The following TMC2 variants were observed in gnomAD, a reference collection of about 807,000 sequenced individuals.
The protein encoded by TMC2 is transmembrane channel-like protein 2.
A neutral mutation model predicts 105.9 loss-of-function variants in TMC2; 102 were observed. The observed-to-expected ratio is 0.96, with a 90% confidence interval of 0.82 to 1.14. TMC2 has a LOEUF of 1.14. Ranked by LOEUF, TMC2 falls within the 50% of genes most tolerant of loss-of-function variation. The probability of loss-of-function intolerance (pLI) is 0.00; values close to 1 mark genes in which losing one functional copy is unlikely to be tolerated. For synonymous variants in TMC2, 402 were observed against 422.8 expected, an observed-to-expected ratio of 0.95 and a Z score of 0.60; for missense variants, 1,093 against 1,134.3, an observed-to-expected ratio of 0.96 and a Z score of 0.52.
intron 17 of TMC2, among the ~76,000 whole-genome samples, chr20:2,630,500 A>C (rs1385073117): frequency 2.0e-5 from 3 of 152,090 alleles, no homozygotes; most frequent in Non-Finnish European, 2.9e-5. Context: ...TTTTACTTTC[A>C]ATCTACTATT....
chr20:2,593,972 G>C (rs1164726428), intron 8 of TMC2, among the ~76,000 whole-genome samples: 1 of 152,134 alleles, frequency 6.6e-6, no homozygotes, highest in Non-Finnish European at 1.5e-5. Flanking sequence ...ATCACACACT[G>C]TCATTGCCTC....
At chr20:2,623,083 C>T (rs1408780447) in intron 16 of TMC2, among the ~76,000 whole-genome samples, 1 of 152,088 alleles carries the variant, frequency 6.6e-6, no homozygotes, top group Non-Finnish European at 1.5e-5. Context: ...ATTTCTAACA[C>T]AGCAGCTACT....
At chr20:2,563,858 CT>C (rs2086044861) in intron 4 of TMC2, among the ~76,000 whole-genome samples, 2 of 152,106 alleles carry the variant, frequency 1.3e-5, no homozygotes, top group Non-Finnish European at 2.9e-5. Flanking sequence ...TCTCCAGTGG[CT>C]GGGACTACAG....
intron 17 of TMC2, among the ~76,000 whole-genome samples, chr20:2,627,967 A>G (rs1377797939): frequency 1.3e-5 from 2 of 152,172 alleles, no homozygotes; most frequent in African/African-American, 4.8e-5. Context: ...CAGGAGTTTG[A>G]GACCAGCCTG....
intron 2 of TMC2, among the ~76,000 whole-genome samples, chr20:2,552,406 G>C (rs1193719038): frequency 6.6e-6 from 1 of 152,174 alleles, no homozygotes; most frequent in Non-Finnish European, 1.5e-5. Flanking sequence ...TTTGTTCCAA[G>C]GAACATTCAT....
In TMC2 at chr20:2,610,562, A is replaced by C. The variant is rs1390380152; in HGVS notation, c.1557A>C (p.Thr519=). ...CACTCTTCCTGGGGAACCTCTACAC[A>C]TTTCTCTTGGCCCTGATGGATGACG... ...IFALFLGNLY[T]FLLALMDDVH... is the part of the protein sequence containing the mutation. The change falls in exon 12 of 20, where the codon ACA becomes ACC. Residue 519 remains threonine, a synonymous_variant. Transcript: ENST00000358864. 1 of 1,609,828 alleles carries C rather than the reference A, an allele frequency of 6.2e-7. No homozygotes were observed. Among genetic ancestry groups the C allele is most frequent in the Non-Finnish European group, 8.5e-7 (1 of 1,177,872 alleles).
In TMC2 at chr20:2,592,927, G is replaced by T. The variant is rs1005852137; in HGVS notation, c.933+519G>T. On this transcript the variant is annotated intron_variant, in intron 8 of 19. Coordinates refer to ENST00000358864, the MANE Select transcript of TMC2 (RefSeq NM_080751.3). This position sits in a 1 kb window ranked among gnomAD's most constrained non-coding sequence, Gnocchi z 4.9. ...TCTACCTCTTCCTCACCAACCACCCGCCACTGCCATCCAACCAACCACTAA... is the reference window on the plus strand; with the variant it reads ...TCTACCTCTTCCTCACCAACCACCCTCCACTGCCATCCAACCAACCACTAA... 6.6e-6 allele frequency among the ~76,000 whole-genome samples: 1 copy of T among 151,954 alleles called. No individual in the cohort carries two copies. The highest frequency in any genetic ancestry group is 1.5e-5 in the Non-Finnish European group (1 of 68,006).
chr20:2,579,891 C>T, intron 6 of TMC2, 59 bp from the exon 7 acceptor site: 1 of 1,081,492 alleles, frequency 9.2e-7, no homozygotes, highest in Non-Finnish European at 1.4e-6. Flanking sequence ...ATAAAGTGCT[C>T]AATAGTGTCC....
At chr20:2,545,687 A>AGAAGAAG (rs950859098) in intron 2 of TMC2, among the ~76,000 whole-genome samples, 1 of 66,202 alleles carries the variant, frequency 1.5e-5, no homozygotes, top group African/African-American at 3.4e-5. Flanking sequence ...AGAAGAAGAA[A>AGAAGAAG]GAAGAAGGAA....
chr20:2,611,292 C>A (rs897748848), intron 12 of TMC2, among the ~76,000 whole-genome samples: 3 of 152,200 alleles, frequency 2.0e-5, no homozygotes, highest in Non-Finnish European at 4.4e-5. Flanking sequence ...CCACCCCTTC[C>A]CTCCTTATTA....
rs371150129 is a variant in TMC2, at chr20:2,635,928, T to C, written c.2309T>C (p.Leu770Ser). ...GGAGGCATGCTTTTCTCTTGCAGCT[T>C]GGCCATTTACTACCTGAACTCAGTT... is the stretch of plus-strand genomic sequence containing the variant. Reference protein sequence around the residue: ...LIIPAILLMFLAIYYLNSVSK... With the variant: ...LIIPAILLMFSAIYYLNSVSK... Residue 770 changes from leucine to serine, a missense_variant and splice_region_variant, in exon 18 of 20, where the codon TTG becomes TCG. Leu to Ser is a moderately radical substitution (Grantham distance 145, BLOSUM62 -2). Coordinates refer to ENST00000358864, the MANE Select transcript of TMC2 (RefSeq NM_080751.3). 5.1e-5 allele frequency: 82 copies of C among 1,613,786 alleles called. No individual in the cohort carries two copies. The highest frequency in any genetic ancestry group is 6.6e-5 in the Non-Finnish European group (78 of 1,179,812).
chr20:2,557,660 A>G (rs1428243517), intron 2 of TMC2, among the ~76,000 whole-genome samples: 1 of 152,250 alleles, frequency 6.6e-6, no homozygotes, highest in African/African-American at 2.4e-5. Flanking sequence ...CCTTCCAAGT[A>G]GCTGGAATTA....
chr20:2,571,303 GC>G (rs1346219493), intron 4 of TMC2, among the ~76,000 whole-genome samples: 3 of 152,060 alleles, frequency 2.0e-5, no homozygotes, highest in African/African-American at 7.2e-5. Flanking sequence ...AATTCAACAA[GC>G]AAAAAACAAA....
At chr20:2,564,065 T>A (rs1377775048) in intron 4 of TMC2, among the ~76,000 whole-genome samples, 1 of 151,702 alleles carries the variant, frequency 6.6e-6, no homozygotes, top group Admixed American at 6.6e-5. Flanking sequence ...AAATTAATTT[T>A]AAAAATTTAA....
At position 2,617,013 on chromosome 20, in the gene TMC2, C is replaced by A. The variant is rs977387934; in HGVS notation, c.1941-59C>A. ...CCATCCGTCCCATTTCCTTCTATCA[C>A]CCTTCCCTCGCCTTCCCTGCTGTCC... is the stretch of plus-strand genomic sequence containing the variant. On this transcript the variant is annotated intron_variant, in intron 15 of 19. Coordinates refer to ENST00000358864, the MANE Select transcript of TMC2 (RefSeq NM_080751.3). 16 of 1,606,338 alleles carry A rather than the reference C, an allele frequency of 1.0e-5. No homozygotes were observed. In the East Asian group the frequency reaches 3.3e-4, roughly 34 times the overall value.
At chr20:2,570,171 G>C (rs1035143737) in intron 4 of TMC2, among the ~76,000 whole-genome samples, 3 of 152,066 alleles carry the variant, frequency 2.0e-5, no homozygotes, top group Non-Finnish European at 4.4e-5. Flanking sequence ...AGGCAGGAAA[G>C]AAGGAAATAA....
intron 17 of TMC2, among the ~76,000 whole-genome samples, chr20:2,631,071 T>C (rs2086599477): frequency 6.6e-6 from 1 of 152,202 alleles, no homozygotes; most frequent in African/African-American, 2.4e-5. Context: ...AGTTCCCACG[T>C]CATTTCTCTA....
rs984537108 is a variant in TMC2, at chr20:2,592,018, G to A, written c.835-292G>A. On this transcript the variant is annotated intron_variant, in intron 7 of 19. Transcript: ENST00000358864. The surrounding 1 kb of genome is among the most constrained non-coding windows in gnomAD (Gnocchi z 4.9). ...AAAATACAAAACAGCCAGGCATGTT[G>A]GCAGGCACCTGTAATCCCAGCTACT... is the stretch of plus-strand genomic sequence containing the variant. 1.3e-4 allele frequency among the ~76,000 whole-genome samples: 20 copies of A among 152,108 alleles called. No homozygotes were observed. The highest frequency in any genetic ancestry group is 2.6e-4 in the Non-Finnish European group (18 of 68,024).
Position 2,561,903 on chromosome 20 carries a change from C to A in TMC2, c.447C>A (p.Ser149=), listed in dbSNP as rs377484662. ...GTGCCTCTGGTGGGGAGTCCCTGTC[C>A]GAGGAGGAACTGGCCCAGATCCTGG... ...ASSASGGESL[S]EEELAQILEQ... The change falls in exon 4 of 20, where the codon TCC becomes TCA. Residue 149 remains serine, a synonymous_variant. Transcript: ENST00000358864. The A allele has an allele frequency of 6.2e-7, 1 of 1,614,170 alleles. No individual in the cohort carries two copies.
Sources: allele counts gnomAD v4.1 joint callset (sites outside exome capture counted in the v4.1 genomes callset), GRCh38; gene constraint gnomAD v4.1.1; non-coding constraint Gnocchi (gnomAD v3.1); transcripts MANE v1.5; gene names NCBI Gene and HGNC (gene_info 2026-07-23, HGNC 2026-07-21).